The following ZNF571 variants were observed in gnomAD, a reference collection of about 807,000 sequenced individuals.
The protein encoded by ZNF571 is zinc finger protein 571.
A neutral mutation model predicts 7.7 loss-of-function variants in ZNF571; 4 were observed. The observed-to-expected ratio is 0.52, with a 90% CI of 0.25 to 1.18. The LOEUF is 1.18. ZNF571 is among the 50% of genes most tolerant of loss of function. The pLI, the probability that ZNF571 is intolerant of heterozygous loss-of-function variation, is 0.14. For missense variants in ZNF571, 704 were observed against 726.9 expected, an observed-to-expected ratio of 0.97 and a Z score of 0.36; for synonymous variants, 251 against 232.4, an observed-to-expected ratio of 1.08 and a Z score of -0.73.
chr19:37,582,551 G>C (rs1489453451), intron 3 of ZNF571, among the ~76,000 whole-genome samples: 3 of 152,138 alleles, frequency 2.0e-5, no homozygotes, highest in Non-Finnish European at 4.4e-5. Flanking sequence ...CCTCGGTACA[G>C]AGAGTAATCC....
At chr19:37,567,652 T>C (rs1294842270) in intron 3 of ZNF571, 1 of 152,200 alleles carries the variant, frequency 6.6e-6, no homozygotes, top group Non-Finnish European at 1.5e-5. Context: ...CCAAGAATGC[T>C]CTCAAAGTGG....
intron 3 of ZNF571, among the ~76,000 whole-genome samples, chr19:37,576,448 C>T (rs2043245332): frequency 6.6e-6 from 1 of 152,148 alleles, no homozygotes; most frequent in African/African-American, 2.4e-5. Context: ...TAATTAGCAG[C>T]TCGTAAAACC....
At chr19:37,592,868 ACAAAT>A (rs2043907317) in intron 1 of ZNF571, among the ~76,000 whole-genome samples, 1 of 152,236 alleles carries the variant, frequency 6.6e-6, no homozygotes, top group Non-Finnish European at 1.5e-5. Flanking sequence ...TAGTTTTTCT[ACAAAT>A]CAACAGCACC....
In ZNF571 at chr19:37,565,847, G is replaced by T. The variant is rs770536233; in HGVS notation, c.581C>A (p.Pro194His). ...QHQRIQTGEK[P>H]YECMECGKAF... Reference sequence around the variant, plus strand: ...CTTTCCACATTCCATACACTCATAAGGTTTCTCACCAGTCTGAATTCTCTG... The same window carrying T: ...CTTTCCACATTCCATACACTCATAATGTTTCTCACCAGTCTGAATTCTCTG... Residue 194 changes from proline (P) to histidine (H), a missense_variant, in exon 4 of 4, where the codon CCT becomes CAT. Physicochemically the swap from Pro to His is moderately conservative, Grantham distance 77. Transcript: ENST00000451802. 5 of 1,613,808 alleles carry T rather than the reference G, an allele frequency of 3.1e-6. No individual in the cohort carries two copies. The highest frequency in any genetic ancestry group is 4.2e-6 in the Non-Finnish European group (5 of 1,179,842).
In ZNF571 at chr19:37,566,258, G is replaced by T; in HGVS notation, c.170C>A (p.Ser57Tyr). ...LESSCVTKKLSPEKEIYEMES... is the reference protein window; with the variant it reads ...LESSCVTKKLYPEKEIYEMES... Reference sequence around the variant, plus strand: ...CATTTCATAAATTTCCTTTTCTGGAGATAACTTTTTGGTCACACAACTGGA... The same window carrying T: ...CATTTCATAAATTTCCTTTTCTGGATATAACTTTTTGGTCACACAACTGGA... Residue 57 changes from serine (S) to tyrosine (Y), a missense_variant, in exon 4 of 4, where the codon TCT becomes TAT. Ser to Tyr is a moderately radical substitution (Grantham distance 144). Coordinates refer to ENST00000451802, the MANE Select transcript of ZNF571 (RefSeq NM_016536.5). 1 of 1,612,850 alleles carries T rather than the reference G, an allele frequency of 6.2e-7. No individual in the cohort carries two copies. Among genetic ancestry groups the T allele is most frequent in the South Asian group, 1.1e-5 (1 of 90,696 alleles).
intron 3 of ZNF571, among the ~76,000 whole-genome samples, chr19:37,576,042 T>TACAC (rs34837052): frequency 8.5e-4 from 126 of 148,938 alleles, no homozygotes; most frequent in African/African-American, 1.4e-3. Flanking sequence ...CATACATGCA[T>TACAC]ACACACACAC....
At chr19:37,591,795 CG>C (rs2043876400) in intron 1 of ZNF571, among the ~76,000 whole-genome samples, 1 of 152,098 alleles carries the variant, frequency 6.6e-6, no homozygotes, top group African/African-American at 2.4e-5. Flanking sequence ...TCGCCTGCCT[CG>C]GCCTCCCAAA....
Position 37,564,266 on chromosome 19 carries a change from G to A in ZNF571, c.*332C>T, listed in dbSNP as rs575465677. On this transcript the variant is annotated 3_prime_UTR_variant, in exon 4 of 4. Coordinates refer to ENST00000451802, the MANE Select transcript of ZNF571 (RefSeq NM_016536.5). Reference sequence around the variant, plus strand: ...ACAAATATCAGATGCTATCGAAAGGGAATTATATGTATTTAATTATAATTT... The same window carrying A: ...ACAAATATCAGATGCTATCGAAAGGAAATTATATGTATTTAATTATAATTT... 1 of 181,956 alleles carries A rather than the reference G, an allele frequency of 5.5e-6. No individual in the cohort carries two copies. Among genetic ancestry groups the A allele is most frequent in the East Asian group, 1.4e-4 (1 of 6,948 alleles). 11.3% of individuals were successfully genotyped at this position (181,956 alleles called of 1,614,324 possible). A position where few individuals can be genotyped will look rare whatever the true frequency, so the allele number is the denominator to read the frequency against.
chr19:37,589,174 TGGGCGA>T, intron 1 of ZNF571, among the ~76,000 whole-genome samples: 1 of 127,228 alleles, frequency 7.9e-6, no homozygotes, highest in Non-Finnish European at 1.6e-5. Context: ...CACTTCAGCC[TGGGCGA>T]CAAGAGCCAA....
chr19:37,586,691 G>C lies in ZNF571; in HGVS notation c.-15C>G. 6.2e-7 allele frequency: 1 copy of C among 1,613,978 alleles called. No individual in the cohort carries two copies. Among genetic ancestry groups the C allele is most frequent in the South Asian group, 1.1e-5 (1 of 91,030 alleles). On this transcript the variant is annotated 5_prime_UTR_variant, in exon 2 of 4. It adds an upstream start codon to the 5' untranslated region. Transcript: ENST00000451802. The stretch of plus-strand genomic sequence containing the variant: ...ACGTGGGGCATGGTTTTTTAGAACT[G>C]ATCAATTTTCTGGGTTCTTCTCCTG...
chr19:37,577,172 T>C (rs150802472), intron 3 of ZNF571, among the ~76,000 whole-genome samples: 62 of 152,284 alleles, frequency 4.1e-4, no homozygotes, highest in South Asian at 2.5e-3. Context: ...CTTAATTGAA[T>C]AGGGCCATGA....
intron 2 of ZNF571, 62 bp downstream of exon 2, chr19:37,586,606 C>T: frequency 6.3e-7 from 1 of 1,593,364 alleles, no homozygotes; most frequent in Non-Finnish European, 8.6e-7. Flanking sequence ...TGGGATAAAT[C>T]TGGTGTTCAC....
intron 1 of ZNF571, among the ~76,000 whole-genome samples, chr19:37,589,124 C>T (rs1256879557): frequency 6.8e-6 from 1 of 146,510 alleles, no homozygotes; most frequent in Non-Finnish European, 1.5e-5. Context: ...CGTTTGAACC[C>T]AGTAGGCGGA....
At chr19:37,574,838 C>T (rs2147174585) in intron 3 of ZNF571, among the ~76,000 whole-genome samples, 1 of 152,306 alleles carries the variant, frequency 6.6e-6, no homozygotes, top group African/African-American at 2.4e-5. Context: ...AGAGTAATCT[C>T]AGTAACAATA....
chr19:37,593,150 A>G (rs933709603), intron 1 of ZNF571, among the ~76,000 whole-genome samples: 21 of 152,146 alleles, frequency 1.4e-4, no homozygotes, highest in African/African-American at 4.6e-4. Flanking sequence ...TTGGTATAAC[A>G]GCATCATGGT....
chr19:37,583,854 A>G, intron 3 of ZNF571, 117 bp downstream of exon 3: 1 of 1,067,336 alleles, frequency 9.4e-7, no homozygotes, highest in East Asian at 2.4e-5. Context: ...GGAGCTGTCC[A>G]TTTCTACTTC....
At chr19:37,576,228 TGAGA>T (rs1294082324) in intron 3 of ZNF571, among the ~76,000 whole-genome samples, 1 of 152,200 alleles carries the variant, frequency 6.6e-6, no homozygotes, top group Non-Finnish European at 1.5e-5. Flanking sequence ...CATTTTTTCT[TGAGA>T]GAGAATTTTC....
intron 3 of ZNF571, among the ~76,000 whole-genome samples, chr19:37,577,840 A>G (rs2043296290): frequency 6.6e-6 from 1 of 152,290 alleles, no homozygotes; most frequent in African/African-American, 2.4e-5. Context: ...GTCGGAAGTA[A>G]ATACTGTCTC....
rs2043574959 is a variant in ZNF571, at chr19:37,584,104, C to T, written c.10-7G>A. The T allele has an allele frequency of 6.2e-7, 1 of 1,613,902 alleles. No homozygotes were observed. Among genetic ancestry groups the T allele is most frequent in the Non-Finnish European group, 8.5e-7 (1 of 1,179,884 alleles). ...CCCTGAAAGTCACCAACAACTGAAA[C>T]AACAAATCCATTACAGGATGATTCT... On this transcript the variant is annotated splice_region_variant and splice_polypyrimidine_tract_variant and intron_variant, in intron 2 of 3. Coordinates refer to ENST00000451802, the MANE Select transcript of ZNF571 (RefSeq NM_016536.5).
Sources: gnomAD v4.1 joint callset for allele counts (sites outside exome capture counted in the v4.1 genomes callset) on GRCh38, gnomAD v4.1.1 for gene constraint, MANE v1.5 for transcripts, NCBI Gene and HGNC (gene_info 2026-07-23, HGNC 2026-07-21) for gene names.